The following NCOR1 variants were observed in gnomAD, a reference collection of about 807,000 sequenced individuals.
NCOR1 encodes the protein protein phosphatase 1, regulatory subunit 109.
NCOR1 carries 63 observed loss-of-function variants against 288.1 expected under a neutral mutation model. That is an observed-to-expected ratio of 0.22 (90% CI 0.18 to 0.27). NCOR1 has a LOEUF of 0.27. NCOR1 is among the 10% of genes least tolerant of loss of function. The pLI, the probability that NCOR1 is intolerant of heterozygous loss-of-function variation, is 1.00. For missense variants in NCOR1, 2,397 were observed against 3,019.2 expected (o/e 0.79, Z 4.83); for synonymous variants, 1,007 against 1,065.9 (o/e 0.94, Z 1.08).
At position 16,061,740 on chromosome 17, in the gene NCOR1, T is replaced by G. The variant is rs747979335; in HGVS notation, c.5542A>C (p.Arg1848=). Residue 1848 remains arginine (R), a synonymous_variant, in exon 37 of 46, where the codon AGG becomes CGG. Transcript: ENST00000268712. Reference sequence around the variant, plus strand: ...CTGCTTCTCAAATTTTCTTCTAACCTGGCAGCTTCATGCTTACTCTCTTTT... The same window carrying G: ...CTGCTTCTCAAATTTTCTTCTAACCGGGCAGCTTCATGCTTACTCTCTTTT... The part of the protein sequence containing the change: ...KTKESKHEAA[R]LEENLRSRSA... 1 of 1,614,254 alleles carries G rather than the reference T, an allele frequency of 6.2e-7. No homozygotes were observed.
rs2152624848 is a variant in NCOR1 at position 16,062,211 on chromosome 17, C to T, written c.5281G>A (p.Val1761Ile). 3.7e-6 allele frequency: 6 copies of T among 1,613,944 alleles called. No individual in the cohort carries two copies. The highest frequency in any genetic ancestry group is 5.1e-6 in the Non-Finnish European group (6 of 1,180,004). The change falls in exon 36 of 46, where the codon GTA becomes ATA. Residue 1761 changes from valine to isoleucine, a missense_variant. Physicochemically the swap from Val to Ile is conservative, Grantham distance 29 (BLOSUM62 3). Coordinates refer to ENST00000268712, the MANE Select transcript of NCOR1 (RefSeq NM_006311.4). ...TGCAACATGGTCTCCTGAGTTCTTACTGAAGGGGAAGGGGAGCGAACATAT... is the reference window on the plus strand; with the variant it reads ...TGCAACATGGTCTCCTGAGTTCTTATTGAAGGGGAAGGGGAGCGAACATAT... ...HGYVRSPSPS[V>I]RTQETMLQQR...
intron 1 of NCOR1, among the ~76,000 whole-genome samples, chr17:16,197,335 GAACTTTAAA>G (rs1166743722): frequency 4.0e-5 from 6 of 150,110 alleles, no homozygotes; most frequent in Non-Finnish European, 7.4e-5. Flanking sequence ...AAAAAAAAAA[GAACTTTAAA>G]AACTATGTGG....
intron 26 of NCOR1, among the ~76,000 whole-genome samples, chr17:16,078,373 G>C (rs1013652724): frequency 6.6e-6 from 1 of 152,186 alleles, no homozygotes; most frequent in Non-Finnish European, 1.5e-5. Flanking sequence ...GCCCACTTCA[G>C]AAGTACTCAT....
At chr17:16,075,450 G>A (rs779917940) in intron 27 of NCOR1, 84 bp downstream of exon 27, 3 of 1,447,236 alleles carry the variant, frequency 2.1e-6, no homozygotes, top group East Asian at 2.3e-5. Context: ...CTGACTCCCA[G>A]AGAGCAGAAA....
intron 14 of NCOR1, among the ~76,000 whole-genome samples, chr17:16,133,235 T>C (rs1398040872): frequency 6.6e-6 from 1 of 152,114 alleles, no homozygotes; most frequent in Non-Finnish European, 1.5e-5. Context: ...TCCCAAAGTG[T>C]TGAGATCACA....
intron 44 of NCOR1, among the ~76,000 whole-genome samples, chr17:16,038,481 G>A (rs2056889150): frequency 1.3e-5 from 2 of 151,568 alleles, no homozygotes; most frequent in South Asian, 2.1e-4. Context: ...TTGTCACCTG[G>A]GCTGGAGTGC....
At chr17:16,132,031 C>CT (rs2075725616) in intron 14 of NCOR1, among the ~76,000 whole-genome samples, 1 of 152,180 alleles carries the variant, frequency 6.6e-6, no homozygotes, top group Non-Finnish European at 1.5e-5. Flanking sequence ...TAATAAACTT[C>CT]TTAACTTGTC....
At chr17:16,081,168 CCT>C (rs1491544746) in intron 23 of NCOR1, among the ~76,000 whole-genome samples, 1 of 150,126 alleles carries the variant, frequency 6.7e-6, no homozygotes, top group Non-Finnish European at 1.5e-5. Context: ...TAAGAATCAA[CCT>C]TTTTTTTTCT....
intron 3 of NCOR1, 87 bp downstream of exon 3, chr17:16,186,467 A>G (rs2086701508): frequency 7.2e-7 from 1 of 1,396,550 alleles, no homozygotes; most frequent in South Asian, 1.5e-5. Flanking sequence ...TGGCTTGGTT[A>G]ATAAAAAGTA....
rs553406848 is a variant in NCOR1 at position 16,184,455 on chromosome 17, T to C, written c.242+2099A>G. Among the ~76,000 whole-genome samples the C allele has an allele frequency of 2.8e-4, 42 of 152,310 alleles. No individual in the cohort carries two copies. The South Asian group carries it at 7.9e-3, about 29-fold the overall frequency. ...AACGTAAAAATCACCAACAGGTATATGAAAAGATGTTCAGTATCATTAGTC... is the reference window on the plus strand; with the variant it reads ...AACGTAAAAATCACCAACAGGTATACGAAAAGATGTTCAGTATCATTAGTC... On this transcript the variant is annotated intron_variant, in intron 3 of 45. Coordinates refer to ENST00000268712, the MANE Select transcript of NCOR1 (RefSeq NM_006311.4).
chr17:16,033,948 A>C (rs1177128646), intron 45 of NCOR1, among the ~76,000 whole-genome samples: 1 of 152,082 alleles, frequency 6.6e-6, no homozygotes, highest in East Asian at 1.9e-4. Context: ...TGCCCGCCTC[A>C]GCCTCCCAAA....
At chr17:16,214,882 G>C (rs940622373) in intron 1 of NCOR1, among the ~76,000 whole-genome samples, 2 of 152,232 alleles carry the variant, frequency 1.3e-5, no homozygotes, top group Admixed American at 1.3e-4. Flanking sequence ...GAAGCGGTCT[G>C]TTAGAAAGGT....
Position 16,101,605 on chromosome 17 carries a change from T to A in NCOR1, c.2335A>T (p.Ser779Cys). 1 of 1,614,188 alleles carries A rather than the reference T, an allele frequency of 6.2e-7. No homozygotes were observed. Among genetic ancestry groups the A allele is most frequent in the Non-Finnish European group, 8.5e-7 (1 of 1,180,036 alleles). Residue 779 changes from serine to cysteine, a missense_variant, in exon 20 of 46, where the codon AGT becomes TGT. Ser to Cys is a moderately radical substitution (Grantham distance 112, BLOSUM62 -1). This residue lies in a region of NCOR1 where 1,872 missense variants were observed against 2,187.8 expected (regional missense o/e 0.86). Transcript: ENST00000268712. The part of the protein sequence containing the change: ...VPSTKPAEDE[S>C]VETQVNDSIS... ...CTGTCATTCACCTGGGTCTCCACAC[T>A]TTCATCTTCAGCTGGTTTTGTACTT...
chr17:16,116,859 A>C (rs539678737), intron 18 of NCOR1, among the ~76,000 whole-genome samples: 1 of 152,382 alleles, frequency 6.6e-6, no homozygotes, highest in East Asian at 1.9e-4. Flanking sequence ...GCAAATGCTC[A>C]GCGATGAAAA....
At chr17:16,196,891 C>A (rs1275637660) in intron 1 of NCOR1, among the ~76,000 whole-genome samples, 1 of 151,412 alleles carries the variant, frequency 6.6e-6, no homozygotes, top group Non-Finnish European at 1.5e-5. Flanking sequence ...GCGGTACACA[C>A]CCATGGTCCC....
At chr17:16,118,130 A>G in intron 17 of NCOR1, 103 bp from the exon 18 acceptor site, 1 of 1,175,754 alleles carries the variant, frequency 8.5e-7, no homozygotes, top group Non-Finnish European at 1.2e-6. Flanking sequence ...AACCATTGAC[A>G]CTAGAAGTGT....
intron 22 of NCOR1, among the ~76,000 whole-genome samples, chr17:16,088,890 T>A (rs2064697964): frequency 6.6e-6 from 1 of 152,190 alleles, no homozygotes; most frequent in Non-Finnish European, 1.5e-5. Flanking sequence ...GTCTCTGGTG[T>A]ATCCATCAAG....
At chr17:16,164,374 T>C (rs2081563880) in intron 5 of NCOR1, among the ~76,000 whole-genome samples, 1 of 151,628 alleles carries the variant, frequency 6.6e-6, no homozygotes, top group South Asian at 2.1e-4. Flanking sequence ...CTTCAGGAAA[T>C]CCTAAAAATT....
chr17:16,190,813 A>G (rs576127682), intron 2 of NCOR1, among the ~76,000 whole-genome samples: 5 of 152,224 alleles, frequency 3.3e-5, no homozygotes, highest in Admixed American at 6.5e-5. Context: ...TGTAGAAACT[A>G]TTTTCAGAAA....
Sources: allele counts gnomAD v4.1 joint callset (sites outside exome capture counted in the v4.1 genomes callset), GRCh38; gene constraint gnomAD v4.1.1; regional missense constraint gnomAD v4.1.1; transcripts MANE v1.5; gene names NCBI Gene and HGNC (gene_info 2026-07-23, HGNC 2026-07-21).